The following PDE4D variants were observed in gnomAD, a reference collection of about 807,000 sequenced individuals.
PDE4D encodes phosphodiesterase 4D.
PDE4D carries 24 observed loss-of-function variants against 87.4 expected under a neutral mutation model. The observed-to-expected ratio is 0.27, with a 90% CI of 0.20 to 0.39. PDE4D has a LOEUF of 0.39. PDE4D is among the 10% of genes least tolerant of loss of function. The pLI is 1.00. For synonymous variants in PDE4D, 384 were observed against 383.2 expected (o/e 1.00, Z -0.02); for missense variants, 714 against 1,041.0 (o/e 0.69, Z 4.32).
In PDE4D at chr5:59,566,534, A is replaced by ATG. The variant is rs34584672; in HGVS notation, c.455+326632_455+326633dup. On this transcript the variant is annotated intron_variant, in intron 1 of 14. Transcript: ENST00000340635. ...TAGCATCTGATCCAGTCACAGTTTCATGTGTGTGTGTGTGTGTGTGTGTGT... is the reference window on the plus strand; with the variant it reads ...TAGCATCTGATCCAGTCACAGTTTCATGTGTGTGTGTGTGTGTGTGTGTGTGT... Among the ~76,000 whole-genome samples the ATG allele has an allele frequency of 2.3e-3, 320 of 140,790 alleles. 2 individuals carry two copies. The highest frequency in any genetic ancestry group is 2.4e-3 in the Non-Finnish European group (154 of 65,246). 92.4% of individuals were successfully genotyped at this position (140,790 alleles called of 152,430 possible).
intron 1 of PDE4D, among the ~76,000 whole-genome samples, chr5:60,239,922 C>A (rs993435716): frequency 6.6e-6 from 1 of 151,948 alleles, no homozygotes; most frequent in Non-Finnish European, 1.5e-5. Context: ...TTATTTATTT[C>A]TTTTACCTAC....
chr5:59,736,722 T>C lies in PDE4D; in HGVS notation c.455+156446A>G, dbSNP rs572608748. On this transcript the variant is annotated intron_variant, in intron 1 of 14. Coordinates refer to ENST00000340635, the MANE Select transcript of PDE4D (RefSeq NM_001104631.2). ...AAAAAAGGAAATGATTGACAAAATA[T>C]AGGAGAAATCATGAAAGAAGCAATC... 1.5e-4 allele frequency among the ~76,000 whole-genome samples: 23 copies of C among 151,568 alleles called. No homozygotes were observed. The South Asian group carries it at 4.4e-3, about 29-fold the overall frequency.
At chr5:60,327,826 G>A (rs1458766680) in intron 1 of PDE4D, among the ~76,000 whole-genome samples, 1 of 152,142 alleles carries the variant, frequency 6.6e-6, no homozygotes. Context: ...CAATATAGAT[G>A]AGTATCGCAA....
intron 1 of PDE4D, among the ~76,000 whole-genome samples, chr5:60,459,428 A>G (rs1278875788): frequency 6.6e-6 from 1 of 152,032 alleles, no homozygotes; most frequent in South Asian, 2.1e-4. Flanking sequence ...AGACAGATAC[A>G]TGTTGGTAAA....
chr5:59,836,658 C>CTATCTA (rs61603830), intron 1 of PDE4D, among the ~76,000 whole-genome samples: 1 of 120,870 alleles, frequency 8.3e-6, no homozygotes, highest in African/African-American at 4.7e-5. Flanking sequence ...ATCTATCTAT[C>CTATCTA]ATCTATCTAC....
intron 2 of PDE4D, among the ~76,000 whole-genome samples, chr5:59,207,514 C>T (rs1749058211): frequency 6.6e-6 from 1 of 152,022 alleles, no homozygotes; most frequent in Non-Finnish European, 1.5e-5. Context: ...TTCAAACTTT[C>T]CTTATTTTAG....
intron 2 of PDE4D, among the ~76,000 whole-genome samples, chr5:60,110,427 T>G (rs1001340695): frequency 6.6e-6 from 1 of 151,856 alleles, no homozygotes; most frequent in Non-Finnish European, 1.5e-5. Flanking sequence ...ATGCTGAACA[T>G]CACTAATCAT....
intron 1 of PDE4D, among the ~76,000 whole-genome samples, chr5:59,523,255 A>G (rs752172814): frequency 2.0e-5 from 3 of 152,238 alleles, no homozygotes; most frequent in Non-Finnish European, 2.9e-5. Context: ...TAAAATCCTT[A>G]TTAGCATTTT....
chr5:60,430,561 T>TTTTTTA (rs1554034826), intron 1 of PDE4D, among the ~76,000 whole-genome samples: 3 of 150,794 alleles, frequency 2.0e-5, no homozygotes, highest in African/African-American at 7.4e-5. Flanking sequence ...TTTTTTTTTT[T>TTTTTTA]ATTGATCATT....
chr5:59,536,249 T>C (rs1815207060), intron 1 of PDE4D, among the ~76,000 whole-genome samples: 1 of 152,106 alleles, frequency 6.6e-6, no homozygotes, highest in African/African-American at 2.4e-5. Context: ...CTCACGCCTG[T>C]AATCCCAGCA....
At position 59,736,969 on chromosome 5, in the gene PDE4D, T is replaced by C. The variant is rs372536687; in HGVS notation, c.455+156199A>G. Among the ~76,000 whole-genome samples the C allele has an allele frequency of 3.9e-5, 6 of 152,330 alleles. No individual in the cohort carries two copies. The East Asian group carries it at 9.6e-4, about 24-fold the overall frequency. On this transcript the variant is annotated intron_variant, in intron 1 of 14. Transcript: ENST00000340635. ...ACTTTGGTAATCAGAAAATTACCTG[T>C]TAACAAATATTTAAAAATAATATGT...
At position 59,194,423 on chromosome 5, in the gene PDE4D, C is replaced by T. The variant is rs148243201; in HGVS notation, c.648-887G>A. On this transcript the variant is annotated intron_variant, in intron 2 of 14. Coordinates refer to ENST00000340635, the MANE Select transcript of PDE4D (RefSeq NM_001104631.2). ...CTGAGAACAGTGCAAATAAACTTTT[C>T]GCTCACTCATGAACAATCTGAAAAC... is the stretch of plus-strand genomic sequence containing the variant. 3.3e-5 allele frequency among the ~76,000 whole-genome samples: 5 copies of T among 152,256 alleles called. No homozygotes were observed. The East Asian group carries it at 5.8e-4, about 18-fold the overall frequency.
intron 1 of PDE4D, among the ~76,000 whole-genome samples, chr5:60,400,648 G>A (rs1414774103): frequency 6.6e-6 from 1 of 151,840 alleles, no homozygotes; most frequent in Non-Finnish European, 1.5e-5. Flanking sequence ...TTAAAACTGA[G>A]GGGCTGGGTG....
At chr5:59,603,281 T>C (rs148639934) in intron 1 of PDE4D, among the ~76,000 whole-genome samples, 1 of 152,018 alleles carries the variant, frequency 6.6e-6, no homozygotes, top group East Asian at 1.9e-4. Context: ...TCCAAAAATA[T>C]AAGAAACTCA....
intron 1 of PDE4D, among the ~76,000 whole-genome samples, chr5:59,740,246 A>G (rs1286355589): frequency 6.6e-6 from 1 of 152,120 alleles, no homozygotes; most frequent in Non-Finnish European, 1.5e-5. Flanking sequence ...ATAATTTTCT[A>G]TTGTTTATTC....
chr5:59,159,827 T>C (rs1780778418), intron 5 of PDE4D, among the ~76,000 whole-genome samples: 1 of 152,250 alleles, frequency 6.6e-6, no homozygotes, highest in East Asian at 1.9e-4. Context: ...CAGCAGCAGC[T>C]CACAAAAGAT....
intron 2 of PDE4D, among the ~76,000 whole-genome samples, chr5:60,143,029 C>G (rs1780676808): frequency 6.6e-6 from 1 of 152,092 alleles, no homozygotes; most frequent in Non-Finnish European, 1.5e-5. Context: ...TTAGATTAGA[C>G]AGTCAAGAGA....
At chr5:59,321,779 CAG>C (rs568225555) in intron 1 of PDE4D, among the ~76,000 whole-genome samples, 55 of 152,230 alleles carry the variant, frequency 3.6e-4, no homozygotes, top group African/African-American at 1.2e-3. Flanking sequence ...TATAGAGAAA[CAG>C]GGAGTGAGTT....
In PDE4D at chr5:59,988,627, T is replaced by C. The variant is rs1762681310; in HGVS notation, c.133A>G (p.Asn45Asp). The C allele has an allele frequency of 1.9e-6, 3 of 1,599,238 alleles. No individual in the cohort carries two copies. In the Admixed American group the frequency reaches 5.0e-5, roughly 27 times the overall value. ...AAGGCGAGAGGGGGAAGCTGAATAT[T>C]GCGACATGAAAGTCTCCGGACAAGA... Residue 45 changes from asparagine to aspartate, a missense_variant, in exon 3 of 17, where the codon AAT becomes GAT. Transcript: ENST00000502484.
Sources: allele counts gnomAD v4.1 joint callset (sites outside exome capture counted in the v4.1 genomes callset), GRCh38; gene constraint gnomAD v4.1.1; transcripts MANE v1.5; gene names NCBI Gene and HGNC (gene_info 2026-07-23, HGNC 2026-07-21).